Variants in ZNF804A observed in about 807,000 individuals in gnomAD.
ZNF804A encodes the protein zinc finger protein 804A.
ZNF804A carries 2 observed loss-of-function variants against 16.5 expected under a neutral mutation model. The observed-to-expected ratio is 0.12, with a 90% confidence interval of 0.05 to 0.38. The LOEUF (loss-of-function observed/expected upper bound fraction) is 0.38. Among genes scored for constraint, ZNF804A ranks in the 10% least tolerant of loss-of-function variants. ZNF804A has a pLI of 0.99. For missense variants in ZNF804A, 1,473 were observed against 1,390.7 expected, an observed-to-expected ratio of 1.06 and a Z score of -0.94; for synonymous variants, 534 against 489.6, an observed-to-expected ratio of 1.09 and a Z score of -1.20.
chr2:184,893,874 T>C (rs1344838430), intron 2 of ZNF804A, among the ~76,000 whole-genome samples: 2 of 152,136 alleles, frequency 1.3e-5, no homozygotes, highest in African/African-American at 2.4e-5. Flanking sequence ...CAGTGTCTAA[T>C]TGATACATGG....
intron 1 of ZNF804A, among the ~76,000 whole-genome samples, chr2:184,732,475 T>C (rs911910197): frequency 2.0e-5 from 3 of 152,152 alleles, no homozygotes; most frequent in Admixed American, 2.0e-4. Flanking sequence ...TAATGTCAGT[T>C]CTTCAACTTT....
intron 2 of ZNF804A, among the ~76,000 whole-genome samples, chr2:184,905,312 A>AT (rs1179279650): frequency 3.0e-4 from 45 of 152,196 alleles, no homozygotes; most frequent in African/African-American, 1.0e-3. Context: ...ACTGATTCTT[A>AT]TGTTTAATGT....
At chr2:184,884,150 A>G (rs1295891675) in intron 2 of ZNF804A, among the ~76,000 whole-genome samples, 1 of 152,156 alleles carries the variant, frequency 6.6e-6, no homozygotes, top group Non-Finnish European at 1.5e-5. Context: ...TAGCATTTCT[A>G]TACATCAGCA....
chr2:184,659,051 A>G (rs1692125341), intron 1 of ZNF804A, among the ~76,000 whole-genome samples: 1 of 152,216 alleles, frequency 6.6e-6, no homozygotes, highest in South Asian at 2.1e-4. Context: ...CAATGATGCC[A>G]AACAAATAAG....
At chr2:184,838,502 T>G (rs1574235494) in intron 1 of ZNF804A, among the ~76,000 whole-genome samples, 1 of 152,270 alleles carries the variant, frequency 6.6e-6, no homozygotes, top group Non-Finnish European at 1.5e-5. Flanking sequence ...TCTATAGAGA[T>G]TTCTAGGAAA....
chr2:184,687,627 G>T (rs930793690), intron 1 of ZNF804A, among the ~76,000 whole-genome samples: 3 of 152,144 alleles, frequency 2.0e-5, no homozygotes, highest in African/African-American at 7.2e-5. Flanking sequence ...GGGAGGAAAG[G>T]CATGTCATTG....
intron 2 of ZNF804A, among the ~76,000 whole-genome samples, chr2:184,892,280 C>T (rs569439518): frequency 2.0e-5 from 3 of 151,994 alleles, no homozygotes; most frequent in Non-Finnish European, 4.4e-5. Context: ...TCCTAAAATA[C>T]CAAACTTTGT....
At chr2:184,711,966 T>C (rs1693135956) in intron 1 of ZNF804A, among the ~76,000 whole-genome samples, 2 of 151,760 alleles carry the variant, frequency 1.3e-5, no homozygotes, top group South Asian at 4.1e-4. Flanking sequence ...TGAATCCTTA[T>C]GAATATTAGT....
chr2:184,926,666 C>T (rs574873059), intron 2 of ZNF804A, among the ~76,000 whole-genome samples: 8 of 152,124 alleles, frequency 5.3e-5, no homozygotes, highest in South Asian at 2.1e-4. Flanking sequence ...GGGTATTTTC[C>T]GGATCCTGTA....
intron 1 of ZNF804A, among the ~76,000 whole-genome samples, chr2:184,718,309 A>G (rs977427381): frequency 1.3e-5 from 2 of 152,158 alleles, no homozygotes; most frequent in Admixed American, 1.3e-4. Flanking sequence ...TGGGAATTCA[A>G]GATGAGATTT....
chr2:184,653,566 C>T (rs968759572), intron 1 of ZNF804A, among the ~76,000 whole-genome samples: 1 of 152,168 alleles, frequency 6.6e-6, no homozygotes, highest in Non-Finnish European at 1.5e-5. Flanking sequence ...ATTTGGAGAT[C>T]GAGTGCAGAG....
At chr2:184,657,444 G>T (rs939615107) in intron 1 of ZNF804A, among the ~76,000 whole-genome samples, 4 of 152,108 alleles carry the variant, frequency 2.6e-5, no homozygotes, top group South Asian at 2.1e-4. Context: ...TTCAGGAATT[G>T]CTCTTAGTAG....
chr2:184,874,320 A>G (rs1696019586), intron 2 of ZNF804A, among the ~76,000 whole-genome samples: 1 of 152,142 alleles, frequency 6.6e-6, no homozygotes, highest in African/African-American at 2.4e-5. Context: ...GGATAGTGGT[A>G]TCAGAGTTAT....
chr2:184,602,887 A>G (rs1259112102), intron 1 of ZNF804A, among the ~76,000 whole-genome samples: 1 of 152,132 alleles, frequency 6.6e-6, no homozygotes, highest in Non-Finnish European at 1.5e-5. Flanking sequence ...TCTAGGGATC[A>G]TTATGATAAT....
At chr2:184,849,396 G>GA (rs1695568531) in intron 1 of ZNF804A, among the ~76,000 whole-genome samples, 1 of 152,006 alleles carries the variant, frequency 6.6e-6, no homozygotes, top group Non-Finnish European at 1.5e-5. Context: ...GTGCTGCTGG[G>GA]AAAAATGGAT....
rs1334110622 is a variant in ZNF804A at position 184,937,134 on chromosome 2, A to G, written c.1738A>G (p.Ile580Val). ...QDTLDEKYNK[I>V]RLKETHEYWF... Reference sequence around the variant, plus strand: ...CACTCTAGATGAAAAATACAACAAAATAAGGTTGAAAGAGACCCATGAATA... The same window carrying G: ...CACTCTAGATGAAAAATACAACAAAGTAAGGTTGAAAGAGACCCATGAATA... Residue 580 changes from isoleucine to valine, a missense_variant, in exon 4 of 4, where the codon ATA becomes GTA. Transcript: ENST00000302277. 3.1e-6 allele frequency: 5 copies of G among 1,603,832 alleles called. No homozygotes were observed. The highest frequency in any genetic ancestry group is 4.2e-6 in the Non-Finnish European group (5 of 1,177,508).
chr2:184,749,513 C>T (rs542771928), intron 1 of ZNF804A, among the ~76,000 whole-genome samples: 3 of 151,338 alleles, frequency 2.0e-5, no homozygotes, highest in East Asian at 1.9e-4. Context: ...AGACCCAGAT[C>T]GTCAACAAAG....
chr2:184,752,914 G>A (rs1030006010), intron 1 of ZNF804A, among the ~76,000 whole-genome samples: 1 of 151,390 alleles, frequency 6.6e-6, no homozygotes, highest in African/African-American at 2.4e-5. Context: ...ACCACAATGA[G>A]ATGTTATCTC....
chr2:184,746,560 T>C (rs2105755766), intron 1 of ZNF804A, among the ~76,000 whole-genome samples: 1 of 151,652 alleles, frequency 6.6e-6, no homozygotes, highest in African/African-American at 2.4e-5. Flanking sequence ...ATTACAATTA[T>C]ACTCTTTTGG....
Sources: allele counts gnomAD v4.1 joint callset (sites outside exome capture counted in the v4.1 genomes callset), GRCh38; gene constraint gnomAD v4.1.1; transcripts MANE v1.5; gene names NCBI Gene and HGNC (gene_info 2026-07-23, HGNC 2026-07-21).